SRGAP3: variants seen among roughly 807,000 people sequenced by gnomAD.
SRGAP3 encodes SLIT-ROBO Rho GTPase-activating protein 3.
In SRGAP3, 39 loss-of-function variants were observed where a neutral mutation model predicts 121.1. The observed-to-expected ratio is 0.32, with a 90% confidence interval of 0.25 to 0.42. The LOEUF is 0.42. SRGAP3 is among the 10% of genes least tolerant of loss of function. SRGAP3 has a pLI of 1.00. For missense variants in SRGAP3, 1,213 were observed against 1,470.6 expected (o/e 0.82, Z 2.86); for synonymous variants, 601 against 570.0 (o/e 1.05, Z -0.77).
intron 1 of SRGAP3, among the ~76,000 whole-genome samples, chr3:9,357,713 TTAAGGA>T (rs1286736844): frequency 6.6e-6 from 1 of 152,248 alleles, no homozygotes; most frequent in Non-Finnish European, 1.5e-5. Context: ...GTATTTATTC[TTAAGGA>T]TACTATTTAT....
chr3:9,142,651 T>C (rs924169135), intron 1 of SRGAP3, among the ~76,000 whole-genome samples: 2 of 152,108 alleles, frequency 1.3e-5, no homozygotes, highest in African/African-American at 2.4e-5. Flanking sequence ...TAATTCTTTG[T>C]GAGACGTGGG....
At chr3:9,128,127 T>C (rs1012627620) in intron 1 of SRGAP3, among the ~76,000 whole-genome samples, 1 of 152,210 alleles carries the variant, frequency 6.6e-6, no homozygotes, top group African/African-American at 2.4e-5. Flanking sequence ...CTGCATTTTA[T>C]CAAGATCTCC....
chr3:9,272,690 AT>A (rs1478692222), intron 3 of SRGAP3, among the ~76,000 whole-genome samples: 7 of 152,210 alleles, frequency 4.6e-5, no homozygotes, highest in Non-Finnish European at 1.0e-4. Context: ...CCTTTTGGCT[AT>A]TATGAGTAAT....
intron 8 of SRGAP3, 119 bp from the exon 9 acceptor site, chr3:9,053,343 G>A: frequency 9.8e-7 from 1 of 1,019,534 alleles, no homozygotes; most frequent in Non-Finnish European, 1.5e-6. Context: ...GATATAGGCA[G>A]AACAAAAATA....
chr3:9,250,258 T>C (rs1025701786), upstream of SRGAP3, among the ~76,000 whole-genome samples: 3 of 152,134 alleles, frequency 2.0e-5, no homozygotes, highest in African/African-American at 7.2e-5. Context: ...ATGCTTACTA[T>C]AGGTCTAGCA....
At chr3:9,283,420 T>C (rs564933829) in intron 3 of SRGAP3, among the ~76,000 whole-genome samples, 2 of 152,366 alleles carry the variant, frequency 1.3e-5, no homozygotes, top group South Asian at 4.1e-4. Context: ...CACTGAATTA[T>C]GCAGATCTTC....
chr3:9,279,269 G>A (rs1559257032), intron 3 of SRGAP3, among the ~76,000 whole-genome samples: 1 of 152,158 alleles, frequency 6.6e-6, no homozygotes, highest in Non-Finnish European at 1.5e-5. Context: ...AGCCCCTCTA[G>A]AAACACCTAT....
At chr3:9,133,899 A>G (rs1458723649) in intron 1 of SRGAP3, among the ~76,000 whole-genome samples, 1 of 152,224 alleles carries the variant, frequency 6.6e-6, no homozygotes, top group South Asian at 2.1e-4. Context: ...TTTAAGTAAA[A>G]TAAGACTGGC....
chr3:9,049,914 G>GCCAAGTAGCTGGGACCTCAGCCTC (rs879298139), intron 9 of SRGAP3, among the ~76,000 whole-genome samples: 2 of 151,564 alleles, frequency 1.3e-5, no homozygotes, highest in African/African-American at 2.4e-5. Flanking sequence ...GCACACGCCA[G>GCCAAGTAGCTGGGACCTCAGCCTC]CCAAGTAGCT....
At chr3:9,190,586 A>C (rs185948536) in intron 1 of SRGAP3, among the ~76,000 whole-genome samples, 1 of 152,314 alleles carries the variant, frequency 6.6e-6, no homozygotes, top group East Asian at 1.9e-4. Context: ...TAAAGCTGGC[A>C]TGCACTGAAG....
At chr3:9,186,292 G>C (rs573674161) in intron 1 of SRGAP3, among the ~76,000 whole-genome samples, 66 of 152,248 alleles carry the variant, frequency 4.3e-4, no homozygotes, top group African/African-American at 1.5e-3. Context: ...GACGTTCTAT[G>C]TTCTCATAGT....
chr3:9,108,008 G>A (rs1347887084), intron 2 of SRGAP3, among the ~76,000 whole-genome samples: 1 of 152,162 alleles, frequency 6.6e-6, no homozygotes, highest in African/African-American at 2.4e-5. Context: ...AGGACCAGTG[G>A]GTACAAATAT....
At chr3:9,212,683 C>A (rs1197439410) in intron 1 of SRGAP3, among the ~76,000 whole-genome samples, 1 of 152,148 alleles carries the variant, frequency 6.6e-6, no homozygotes. Context: ...CCACTGCACT[C>A]CCACCTGGTG....
At chr3:9,092,575 G>C (rs1439362838) in intron 3 of SRGAP3, among the ~76,000 whole-genome samples, 1 of 152,184 alleles carries the variant, frequency 6.6e-6, no homozygotes, top group Non-Finnish European at 1.5e-5. Context: ...CAAGGCCATA[G>C]AGCTAGTGAA....
chr3:9,108,763 A>G (rs1360387547), intron 2 of SRGAP3, among the ~76,000 whole-genome samples: 2 of 152,162 alleles, frequency 1.3e-5, no homozygotes, highest in Non-Finnish European at 2.9e-5. Flanking sequence ...GGGTGGGTGG[A>G]TGAGCAGGGA....
intron 21 of SRGAP3, 96 bp downstream of exon 21, chr3:8,990,416 G>C (rs1941965731): frequency 2.1e-6 from 3 of 1,454,940 alleles, no homozygotes; most frequent in Admixed American, 2.0e-5. Flanking sequence ...CCATGAGCCT[G>C]GCATAAAGGC....
chr3:9,097,391 T>C (rs1291638480), intron 3 of SRGAP3, among the ~76,000 whole-genome samples: 1 of 152,208 alleles, frequency 6.6e-6, no homozygotes, highest in African/African-American at 2.4e-5. Flanking sequence ...GAGGCTATTA[T>C]TAGCTCCACT....
intron 1 of SRGAP3, among the ~76,000 whole-genome samples, chr3:9,333,443 T>C (rs1315462398): frequency 1.3e-5 from 2 of 152,184 alleles, no homozygotes; most frequent in Non-Finnish European, 2.9e-5. Flanking sequence ...TCTTGGTCTG[T>C]TCCCTTTGTT....
At chr3:9,342,480 G>A (rs1410859025) in intron 1 of SRGAP3, among the ~76,000 whole-genome samples, 1 of 152,210 alleles carries the variant, frequency 6.6e-6, no homozygotes, top group African/African-American at 2.4e-5. Context: ...CTTGCCAAGT[G>A]TCACCGGAAC....
Sources: gnomAD v4.1 joint callset for allele counts (sites outside exome capture counted in the v4.1 genomes callset) on GRCh38, gnomAD v4.1.1 for gene constraint, MANE v1.5 for transcripts, NCBI Gene and HGNC (gene_info 2026-07-23, HGNC 2026-07-21) for gene names.